Variants in DNA2 observed in about 807,000 individuals in gnomAD.
DNA2 encodes DNA replication helicase/nuclease 2.
DNA2 carries 101 observed loss-of-function variants against 119.1 expected under a neutral mutation model. The observed-to-expected ratio is 0.85, with a 90% CI of 0.72 to 1.00. The LOEUF (loss-of-function observed/expected upper bound fraction) is 1.00, where lower values mean the gene tolerates loss of function less well. Among genes scored for constraint, DNA2 ranks in the 50% least tolerant of loss-of-function variants. The probability of loss-of-function intolerance (pLI) is 0.00; values close to 1 mark genes in which losing one functional copy is unlikely to be tolerated. For synonymous variants in DNA2, 366 were observed against 424.4 expected (o/e 0.86, Z 1.69); for missense variants, 1,121 against 1,255.5 (o/e 0.89, Z 1.62).
intron 8 of DNA2, 123 bp downstream of exon 8, chr10:68,444,798 G>A: frequency 1.6e-6 from 1 of 611,126 alleles, no homozygotes; most frequent in Non-Finnish European, 2.7e-6. Context: ...ATAATACGAA[G>A]GAAAATATAA....
rs779153706 is a variant in DNA2, at chr10:68,430,473, T to G, written c.2171A>C (p.Lys724Thr). The G allele has an allele frequency of 1.2e-6, 2 of 1,610,094 alleles. No individual in the cohort carries two copies. Among genetic ancestry groups the G allele is most frequent in the Non-Finnish European group, 1.7e-6 (2 of 1,178,048 alleles). The change falls in exon 14 of 21, where the codon AAA becomes ACA. Residue 724 changes from lysine to threonine, a missense_variant. By Grantham distance (78) the Lys-to-Thr change is moderately conservative. Transcript: ENST00000358410. ...EQEICRSKSI[K>T]SLALLEELYN... ...GAGTTCTTCTAGAAGAGCTAAGGAT[T>G]TAATGGACTTTGATCTGCAAATTTC...
intron 10 of DNA2, among the ~76,000 whole-genome samples, chr10:68,434,601 G>C (rs1301507083): frequency 1.3e-5 from 2 of 152,010 alleles, no homozygotes; most frequent in Admixed American, 1.3e-4. Flanking sequence ...GCAGTGAACT[G>C]TGATCATGCC....
chr10:68,469,390 CAAA>C (rs71019005), intron 2 of DNA2, among the ~76,000 whole-genome samples: 1 of 76,040 alleles, frequency 1.3e-5, no homozygotes, highest in African/African-American at 4.2e-5. Flanking sequence ...ACTAAAAATA[CAAA>C]AAAAAAAAAA....
At chr10:68,436,641 A>G (rs1219449809) in intron 10 of DNA2, among the ~76,000 whole-genome samples, 2 of 152,238 alleles carry the variant, frequency 1.3e-5, no homozygotes, top group East Asian at 3.8e-4. Flanking sequence ...ATGTTATAAC[A>G]TGAAGATGAA....
At chr10:68,440,274 C>G (rs957329365) in intron 9 of DNA2, among the ~76,000 whole-genome samples, 1 of 152,110 alleles carries the variant, frequency 6.6e-6, no homozygotes, top group Non-Finnish European at 1.5e-5. Flanking sequence ...GCCTGGGTAA[C>G]AGAGTAAGAC....
chr10:68,465,317 G>A (rs980891040), intron 4 of DNA2, among the ~76,000 whole-genome samples: 2 of 152,040 alleles, frequency 1.3e-5, no homozygotes, highest in African/African-American at 2.4e-5. Flanking sequence ...GCACCTGGCC[G>A]TAAAGATGCA....
Position 68,422,327 on chromosome 10 carries a change from A to T in DNA2, c.2595T>A (p.Asp865Glu), listed in dbSNP as rs1286926454. 1 of 1,613,848 alleles carries T rather than the reference A, an allele frequency of 6.2e-7. No individual in the cohort carries two copies. ...CATAAAATTCCAGTTCCAGCTTCAC[A>T]TCTTTAAAGTGACGTAGGTTTATCA... is the stretch of plus-strand genomic sequence containing the variant. ...NAVINLRHFK[D>E]VKLELEFYAD... The change falls in exon 17 of 21, where the codon GAT becomes GAA. Residue 865 changes from aspartate to glutamate, a missense_variant. Asp to Glu is a conservative substitution (Grantham distance 45, BLOSUM62 2). Coordinates refer to ENST00000358410, the MANE Select transcript of DNA2 (RefSeq NM_001080449.3).
chr10:68,467,491 TGAGTACATGG>T (rs2052341250), intron 3 of DNA2, among the ~76,000 whole-genome samples: 1 of 152,192 alleles, frequency 6.6e-6, no homozygotes, highest in Non-Finnish European at 1.5e-5. Flanking sequence ...AGCTGGGTGT[TGAGTACATGG>T]GAGTTTATTA....
intron 8 of DNA2, among the ~76,000 whole-genome samples, chr10:68,444,004 C>T (rs2052004162): frequency 6.6e-6 from 1 of 151,628 alleles, no homozygotes; most frequent in Admixed American, 6.6e-5. Context: ...AGCCTATAAT[C>T]CCAGCACTTT....
intron 6 of DNA2, among the ~76,000 whole-genome samples, chr10:68,447,955 G>C (rs1196740159): frequency 1.4e-5 from 2 of 147,356 alleles, no homozygotes; most frequent in Non-Finnish European, 3.0e-5. Flanking sequence ...CTGCACTCTA[G>C]CCTGGGTGAC....
intron 5 of DNA2, among the ~76,000 whole-genome samples, chr10:68,457,884 C>G (rs2052207094): frequency 6.6e-6 from 1 of 151,920 alleles, no homozygotes; most frequent in South Asian, 2.1e-4. Flanking sequence ...ATGAAAGAAT[C>G]AAATGAGGCC....
intron 3 of DNA2, among the ~76,000 whole-genome samples, 184 bp from the exon 4 acceptor site, chr10:68,465,996 T>A (rs1326967689): frequency 6.6e-6 from 1 of 152,140 alleles, no homozygotes; most frequent in South Asian, 2.1e-4. Context: ...TATCCAGAAT[T>A]GTCTGAATTA....
chr10:68,416,954 T>C lies in DNA2; in HGVS notation c.2968-99A>G, dbSNP rs996101930. 5.7e-6 allele frequency: 6 copies of C among 1,053,768 alleles called. No homozygotes were observed. In the African/African-American group the frequency reaches 9.6e-5, roughly 17 times the overall value. 65.3% of individuals were successfully genotyped at this position (1,053,768 alleles called of 1,614,324 possible). A position where few individuals can be genotyped will look rare whatever the true frequency, so the allele number is the denominator to read the frequency against. ...ATGGACACCTGTGCAAATTTAAGAA[T>C]AGAATGAGGCCAGGTGTAGTGGCTC... is the stretch of plus-strand genomic sequence containing the variant. On this transcript the variant is annotated intron_variant, in intron 19 of 20. Coordinates refer to ENST00000358410, the MANE Select transcript of DNA2 (RefSeq NM_001080449.3).
intron 7 of DNA2, 53 bp downstream of exon 7, chr10:68,446,243 G>C (rs950930384): frequency 1.1e-6 from 1 of 924,600 alleles, no homozygotes; most frequent in African/African-American, 1.7e-5. Flanking sequence ...ATCACTAGAA[G>C]CTGAAGTGGG....
At chr10:68,437,857 T>TAC (rs2051912078) in intron 9 of DNA2, among the ~76,000 whole-genome samples, 1 of 151,806 alleles carries the variant, frequency 6.6e-6, no homozygotes, top group South Asian at 2.1e-4. Context: ...ATTACAGGCA[T>TAC]ACACCACCAC....
chr10:68,428,369 A>G (rs1342200690), intron 14 of DNA2, among the ~76,000 whole-genome samples: 1 of 152,036 alleles, frequency 6.6e-6, no homozygotes. Context: ...TGAGGAGATC[A>G]CTCATACACG....
intron 14 of DNA2, among the ~76,000 whole-genome samples, chr10:68,427,884 T>C (rs1327337788): frequency 6.6e-6 from 1 of 150,826 alleles, no homozygotes; most frequent in African/African-American, 2.4e-5. Context: ...ATATAAAAAA[T>C]TAGCCAGGCG....
At chr10:68,441,805 C>T (rs1382785426) in intron 9 of DNA2, among the ~76,000 whole-genome samples, 2 of 151,248 alleles carry the variant, frequency 1.3e-5, no homozygotes, top group Admixed American at 6.6e-5. Flanking sequence ...TTAAAAAATC[C>T]AGTAAATACC....
chr10:68,457,376 G>A (rs2052198570), intron 5 of DNA2, among the ~76,000 whole-genome samples: 1 of 152,164 alleles, frequency 6.6e-6, no homozygotes, highest in Non-Finnish European at 1.5e-5. Context: ...ACAGACAGCT[G>A]TACGGTTCAC....
Sources: allele counts gnomAD v4.1 joint callset (sites outside exome capture counted in the v4.1 genomes callset), GRCh38; gene constraint gnomAD v4.1.1; transcripts MANE v1.5; gene names NCBI Gene and HGNC (gene_info 2026-07-23, HGNC 2026-07-21).